Variants in CHCHD3 observed in about 807,000 individuals in gnomAD.
The protein encoded by CHCHD3 is coiled-coil-helix-coiled-coil-helix domain containing 3.
Under a neutral mutation model 38.2 loss-of-function variants are expected in CHCHD3, and 20 were observed. The observed-to-expected ratio is 0.52, with a 90% CI of 0.37 to 0.76. The LOEUF is 0.76. CHCHD3 is among the 30% of genes least tolerant of loss of function. The pLI, the probability that CHCHD3 is intolerant of heterozygous loss-of-function variation, is 0.00. For synonymous variants in CHCHD3, 82 were observed against 100.0 expected, an observed-to-expected ratio of 0.82 and a Z score of 1.07; for missense variants, 245 against 279.2, an observed-to-expected ratio of 0.88 and a Z score of 0.87.
chr7:132,993,964 A>G lies in CHCHD3; in HGVS notation c.252-18678T>C, dbSNP rs1436093471. ...ACTCCCAGAATCCTCTCCATTTTTA[A>G]AATGTCTATTTCATCTTAATGTTTT... On this transcript the variant is annotated intron_variant, in intron 3 of 7. Transcript: ENST00000262570. Among the ~76,000 whole-genome samples the G allele has an allele frequency of 2.6e-5, 4 of 152,088 alleles. No individual in the cohort carries two copies. The East Asian group carries it at 7.7e-4, about 29-fold the overall frequency.
At chr7:132,950,233 C>G (rs118080861) in intron 4 of CHCHD3, among the ~76,000 whole-genome samples, 1 of 152,020 alleles carries the variant, frequency 6.6e-6, no homozygotes, top group Non-Finnish European at 1.5e-5. Context: ...ACCTGGGTGA[C>G]GGGATCGACT....
chr7:132,974,265 TGATG>T (rs2117330584), intron 4 of CHCHD3, among the ~76,000 whole-genome samples: 1 of 152,320 alleles, frequency 6.6e-6, no homozygotes, highest in African/African-American at 2.4e-5. Context: ...AAAGACAGAT[TGATG>T]GGTGTCTTTT....
chr7:132,942,373 G>A (rs1469440487), intron 4 of CHCHD3, among the ~76,000 whole-genome samples: 9 of 152,132 alleles, frequency 5.9e-5, no homozygotes, highest in Non-Finnish European at 1.0e-4. Flanking sequence ...AGTAAAAGTT[G>A]TGGAGTTCTT....
At chr7:133,050,212 G>T (rs188325179) in intron 2 of CHCHD3, among the ~76,000 whole-genome samples, 2 of 151,866 alleles carry the variant, frequency 1.3e-5, no homozygotes, top group African/African-American at 2.4e-5. Flanking sequence ...GTGTGGTGCT[G>T]CATGTCTGTA....
intron 3 of CHCHD3, among the ~76,000 whole-genome samples, chr7:133,015,895 G>A (rs1813016668): frequency 2.0e-5 from 3 of 152,136 alleles, no homozygotes; most frequent in African/African-American, 4.8e-5. Context: ...ATGGCAGAAG[G>A]GCAAGATGAA....
intron 3 of CHCHD3, among the ~76,000 whole-genome samples, chr7:133,017,161 C>A (rs1342380020): frequency 6.6e-6 from 1 of 152,186 alleles, no homozygotes; most frequent in African/African-American, 2.4e-5. Context: ...CTAGCTTTAA[C>A]CAGACAGCAC....
chr7:132,916,037 A>C (rs1642180009), intron 4 of CHCHD3, among the ~76,000 whole-genome samples: 2 of 151,930 alleles, frequency 1.3e-5, no homozygotes, highest in South Asian at 4.2e-4. Context: ...GTGATGGTTC[A>C]GCAAACGACT....
intron 5 of CHCHD3, among the ~76,000 whole-genome samples, chr7:132,884,536 T>A (rs1809156153): frequency 6.6e-6 from 1 of 152,150 alleles, no homozygotes; most frequent in Non-Finnish European, 1.5e-5. Flanking sequence ...TTCGGTAACA[T>A]ATGGAGACAG....
chr7:133,031,866 T>C (rs1813513836), intron 2 of CHCHD3, among the ~76,000 whole-genome samples: 1 of 152,152 alleles, frequency 6.6e-6, no homozygotes, highest in African/African-American at 2.4e-5. Flanking sequence ...CCATAAGATA[T>C]AGCCAAATTA....
chr7:133,013,960 T>C (rs1191421907), intron 3 of CHCHD3, among the ~76,000 whole-genome samples: 1 of 152,166 alleles, frequency 6.6e-6, no homozygotes, highest in Non-Finnish European at 1.5e-5. Context: ...CCTGGTTCGG[T>C]AGAAATAATG....
At chr7:132,981,108 C>A (rs770678809) in intron 3 of CHCHD3, among the ~76,000 whole-genome samples, 2 of 152,094 alleles carry the variant, frequency 1.3e-5, no homozygotes, top group African/African-American at 4.8e-5. Flanking sequence ...GCCTTAGCCT[C>A]CCAAGCAGTT....
chr7:132,923,342 T>C (rs940738042), intron 4 of CHCHD3, among the ~76,000 whole-genome samples: 3 of 152,202 alleles, frequency 2.0e-5, no homozygotes, highest in Non-Finnish European at 4.4e-5. Flanking sequence ...TGTCTATTTA[T>C]AGACAGACAG....
At chr7:132,883,512 G>T (rs1208836881) in intron 5 of CHCHD3, among the ~76,000 whole-genome samples, 1 of 152,154 alleles carries the variant, frequency 6.6e-6, no homozygotes, top group African/African-American at 2.4e-5. Flanking sequence ...GCCAAATCAG[G>T]CCCAGTACCT....
intron 3 of CHCHD3, among the ~76,000 whole-genome samples, chr7:132,978,357 C>A (rs1811826539): frequency 6.6e-6 from 1 of 152,130 alleles, no homozygotes; most frequent in Non-Finnish European, 1.5e-5. Context: ...CAAATTGACT[C>A]TACTAACTCC....
At chr7:132,837,695 T>C (rs2117094376) in intron 6 of CHCHD3, among the ~76,000 whole-genome samples, 1 of 152,310 alleles carries the variant, frequency 6.6e-6, no homozygotes, top group African/African-American at 2.4e-5. Context: ...ACAACAACTT[T>C]TTTTGCTTCA....
chr7:133,071,545 T>C (rs1814819121), intron 1 of CHCHD3, among the ~76,000 whole-genome samples: 1 of 152,024 alleles, frequency 6.6e-6, no homozygotes. Flanking sequence ...GGCTACAATG[T>C]AGAGAACAGA....
chr7:133,025,884 T>C (rs1392383296), intron 2 of CHCHD3, among the ~76,000 whole-genome samples: 1 of 152,220 alleles, frequency 6.6e-6, no homozygotes, highest in Non-Finnish European at 1.5e-5. Context: ...AACCTCGACA[T>C]TATAAATGCT....
chr7:132,806,342 A>G (rs376311173), intron 6 of CHCHD3, among the ~76,000 whole-genome samples: 1 of 152,214 alleles, frequency 6.6e-6, no homozygotes, highest in East Asian at 1.9e-4. Flanking sequence ...AGGTGGCAGG[A>G]TGAGGTCAAT....
At chr7:132,834,982 T>C (rs1237052643) in intron 6 of CHCHD3, among the ~76,000 whole-genome samples, 2 of 137,284 alleles carry the variant, frequency 1.5e-5, no homozygotes, top group Non-Finnish European at 3.3e-5. Flanking sequence ...ATTTATTTAT[T>C]TATTTAGAGA....
Sources: allele counts gnomAD v4.1 joint callset (sites outside exome capture counted in the v4.1 genomes callset), GRCh38; gene constraint gnomAD v4.1.1; transcripts MANE v1.5; gene names NCBI Gene and HGNC (gene_info 2026-07-23, HGNC 2026-07-21).